ERP44: variants seen among roughly 807,000 people sequenced by gnomAD.
ERP44 encodes the protein endoplasmic reticulum resident protein 44.
ERP44 carries 25 observed loss-of-function variants against 53.4 expected under a neutral mutation model. That is an observed-to-expected ratio of 0.47 (90% CI 0.34 to 0.65). ERP44 has a LOEUF of 0.65. Among genes scored for constraint, ERP44 ranks in the 30% least tolerant of loss-of-function variants. The pLI is 0.01. For synonymous variants in ERP44, 145 were observed against 161.2 expected, an observed-to-expected ratio of 0.90 and a Z score of 0.76; for missense variants, 338 against 493.2, an observed-to-expected ratio of 0.69 and a Z score of 2.98.
chr9:99,982,416 G>GTTTTT lies in ERP44; in HGVS notation c.*191_*195dup. ...GATTTTTATTTTTAAATCCTAGCAG[G>GTTTTT]TTTTTTTTTTTTAAGAGGCTACTAT... On this transcript the variant is annotated 3_prime_UTR_variant, in exon 12 of 12. Transcript: ENST00000262455. 4 of 226,722 alleles carry GTTTTT rather than the reference G, an allele frequency of 1.8e-5. No homozygotes were observed. Among genetic ancestry groups the GTTTTT allele is most frequent in the East Asian group, 8.8e-5 (1 of 11,406 alleles). 14.0% of individuals were successfully genotyped at this position (226,722 alleles called of 1,614,324 possible).
intron 1 of ERP44, among the ~76,000 whole-genome samples, chr9:100,081,955 C>T (rs920542639): frequency 1.3e-5 from 2 of 151,960 alleles, no homozygotes; most frequent in African/African-American, 4.8e-5. Context: ...CAGTTAGAGA[C>T]TGTGTATCAG....
chr9:99,990,170 A>G (rs1280993998), intron 10 of ERP44, among the ~76,000 whole-genome samples: 1 of 152,184 alleles, frequency 6.6e-6, no homozygotes, highest in East Asian at 1.9e-4. Flanking sequence ...TACAGAGAAC[A>G]CCACAAAGAT....
At chr9:100,068,205 A>T (rs80249092) in intron 1 of ERP44, among the ~76,000 whole-genome samples, 43 of 134,746 alleles carry the variant, frequency 3.2e-4, no homozygotes, top group African/African-American at 9.9e-4. Flanking sequence ...GGAGGGAGGT[A>T]GGGGGGTCAG....
At chr9:99,999,106 G>C in intron 10 of ERP44, 1 of 650,244 alleles carries the variant, frequency 1.5e-6, no homozygotes, top group Admixed American at 2.3e-5. Context: ...GCGGCGGGGC[G>C]TGGACACGGC....
intron 1 of ERP44, among the ~76,000 whole-genome samples, chr9:100,072,592 G>C (rs1447519571): frequency 8.5e-5 from 13 of 152,274 alleles, no homozygotes. Flanking sequence ...GAGCGATCTT[G>C]GCTCACTGCA....
intron 1 of ERP44, among the ~76,000 whole-genome samples, chr9:100,066,124 T>C (rs184147748): frequency 4.3e-4 from 65 of 152,326 alleles, no homozygotes; most frequent in African/African-American, 1.4e-3. Flanking sequence ...AGTTCAGGAA[T>C]ACTGTTTTGG....
At chr9:99,995,040 A>C (rs898351797) in intron 10 of ERP44, among the ~76,000 whole-genome samples, 3 of 152,098 alleles carry the variant, frequency 2.0e-5, no homozygotes, top group Non-Finnish European at 4.4e-5. Flanking sequence ...AACTTTCAAC[A>C]TACAGATTCT....
chr9:100,064,225 C>T (rs1826187036), intron 1 of ERP44, among the ~76,000 whole-genome samples: 1 of 152,168 alleles, frequency 6.6e-6, no homozygotes, highest in Non-Finnish European at 1.5e-5. Context: ...GTAGAGACCA[C>T]CTTATTCAAT....
chr9:100,016,230 A>G (rs939717932), intron 8 of ERP44, 92 bp downstream of exon 8: 5 of 1,494,872 alleles, frequency 3.3e-6, no homozygotes, highest in Admixed American at 4.8e-5. Flanking sequence ...CTTACAATTC[A>G]TAACTCTGTT....
At chr9:99,990,688 C>A (rs1830243727) in intron 10 of ERP44, among the ~76,000 whole-genome samples, 1 of 152,176 alleles carries the variant, frequency 6.6e-6, no homozygotes, top group Admixed American at 6.5e-5. Flanking sequence ...CGTAAATGGG[C>A]TAAATGCCCC....
chr9:100,020,856 A>G lies in ERP44; in HGVS notation c.472-125T>C, dbSNP rs1830580862. The G allele has an allele frequency of 8.9e-6, 5 of 560,748 alleles. 1 individual carries two copies. In the South Asian group the frequency reaches 1.3e-4, roughly 14 times the overall value. 34.7% of individuals were successfully genotyped at this position (560,748 alleles called of 1,614,324 possible). ...TTGTTCAAATGAAGTATGACTATAAATGCATATTTAGTTTTTAACACCTAG... is the reference window on the plus strand; with the variant it reads ...TTGTTCAAATGAAGTATGACTATAAGTGCATATTTAGTTTTTAACACCTAG... On this transcript the variant is annotated intron_variant, in intron 5 of 11. Transcript: ENST00000262455.
At chr9:100,086,812 C>G (rs184178365) in intron 1 of ERP44, among the ~76,000 whole-genome samples, 1 of 152,148 alleles carries the variant, frequency 6.6e-6, no homozygotes, top group African/African-American at 2.4e-5. Context: ...TTGATCAACT[C>G]TCCCTGAAAG....
At chr9:100,025,379 A>G (rs1297900933) in intron 4 of ERP44, among the ~76,000 whole-genome samples, 1 of 152,240 alleles carries the variant, frequency 6.6e-6, no homozygotes, top group Non-Finnish European at 1.5e-5. Context: ...AAACTTGAAT[A>G]GAAATATTAA....
intron 1 of ERP44, 35 bp from the exon 2 acceptor site, chr9:100,060,207 G>T: frequency 7.0e-7 from 1 of 1,423,212 alleles, no homozygotes; most frequent in South Asian, 1.6e-5. Flanking sequence ...TAATAAATGT[G>T]TCCACAAAAG....
chr9:100,045,280 C>T lies in ERP44; in HGVS notation c.286+7137G>A, dbSNP rs1825953530. Among the ~76,000 whole-genome samples the T allele has an allele frequency of 2.0e-5, 3 of 152,172 alleles. No homozygotes were observed. In the South Asian group the frequency reaches 6.2e-4, roughly 32 times the overall value. The stretch of plus-strand genomic sequence containing the variant: ...TTAATCATTTCCTCGAAAACGTCTT[C>T]CCTATCCCTGCAGACTAAGTCAGAC... On this transcript the variant is annotated intron_variant, in intron 4 of 11. Transcript: ENST00000262455.
intron 4 of ERP44, among the ~76,000 whole-genome samples, chr9:100,022,673 G>A (rs987366159): frequency 6.6e-6 from 1 of 152,148 alleles, no homozygotes; most frequent in Non-Finnish European, 1.5e-5. Context: ...AGCTGGGGAG[G>A]GGAGGTAAGT....
intron 8 of ERP44, among the ~76,000 whole-genome samples, chr9:100,011,509 C>G (rs749467226): frequency 2.3e-4 from 35 of 152,120 alleles, no homozygotes; most frequent in South Asian, 4.2e-4. Context: ...CTTACTTTGC[C>G]TTACAATGAA....
intron 1 of ERP44, among the ~76,000 whole-genome samples, chr9:100,069,175 C>T (rs1025712132): frequency 4.0e-5 from 6 of 151,852 alleles, no homozygotes; most frequent in Non-Finnish European, 7.4e-5. Context: ...GGGTCCTCTG[C>T]CTAGGAAAAC....
At chr9:100,069,460 A>ATATT (rs1219946493) in intron 1 of ERP44, among the ~76,000 whole-genome samples, 4 of 152,200 alleles carry the variant, frequency 2.6e-5, no homozygotes, top group African/African-American at 9.6e-5. Context: ...AGGTACAAAG[A>ATATT]TATTTACTAA....
Sources: gnomAD v4.1 joint callset for allele counts (sites outside exome capture counted in the v4.1 genomes callset) on GRCh38, gnomAD v4.1.1 for gene constraint, MANE v1.5 for transcripts, NCBI Gene and HGNC (gene_info 2026-07-23, HGNC 2026-07-21) for gene names.